The following OSTF1 variants were observed in gnomAD, a reference collection of about 807,000 sequenced individuals.
OSTF1 encodes the protein osteoclast stimulating factor 1, also known as osteoclast-stimulating factor 1.
Under a neutral mutation model 37.2 loss-of-function variants are expected in OSTF1, and 27 were observed. The observed-to-expected ratio is 0.73, with a 90% CI of 0.54 to 1.00. OSTF1 has a LOEUF of 1.00. Ranked by LOEUF, OSTF1 falls within the 50% of genes least tolerant of loss-of-function variation. OSTF1 has a pLI of 0.00. For missense variants in OSTF1, 232 were observed against 253.8 expected, an observed-to-expected ratio of 0.91 and a Z score of 0.58; for synonymous variants, 82 against 89.2, an observed-to-expected ratio of 0.92 and a Z score of 0.46.
intron 1 of OSTF1, among the ~76,000 whole-genome samples, chr9:75,100,681 A>G (rs895406094): frequency 2.0e-5 from 3 of 151,298 alleles, no homozygotes; most frequent in African/African-American, 4.9e-5. Context: ...CAGTGAGCTG[A>G]TATCAGGCCA....
chr9:75,142,562 C>T (rs1825959967), intron 9 of OSTF1, among the ~76,000 whole-genome samples: 1 of 152,040 alleles, frequency 6.6e-6, no homozygotes, highest in East Asian at 1.9e-4. Context: ...TACCCAGAAG[C>T]CTTACTCAGG....
intron 9 of OSTF1, among the ~76,000 whole-genome samples, chr9:75,145,277 G>C (rs1328761996): frequency 6.6e-6 from 1 of 151,900 alleles, no homozygotes; most frequent in Non-Finnish European, 1.5e-5. Flanking sequence ...TAGCTAGCTA[G>C]CCAGAGGTTT....
chr9:75,099,306 C>T (rs1825148387), intron 1 of OSTF1, among the ~76,000 whole-genome samples: 1 of 151,688 alleles, frequency 6.6e-6, no homozygotes, highest in East Asian at 1.9e-4. Context: ...TTCTGTCGCC[C>T]AGGCTGGAGT....
intron 2 of OSTF1, among the ~76,000 whole-genome samples, chr9:75,119,412 A>G (rs1344532637): frequency 6.6e-6 from 1 of 152,076 alleles, no homozygotes; most frequent in African/African-American, 2.4e-5. Flanking sequence ...TCCACTGACA[A>G]CTCTCCTGTG....
At chr9:75,125,115 C>T (rs931435052) in intron 2 of OSTF1, among the ~76,000 whole-genome samples, 3 of 152,174 alleles carry the variant, frequency 2.0e-5, no homozygotes, top group Admixed American at 6.5e-5. Flanking sequence ...TCTTCTTCTT[C>T]CTTCATTCTC....
rs748456883 is a variant in OSTF1 at position 75,093,615 on chromosome 9, CA to C, written c.34+4890del. Among the ~76,000 whole-genome samples the C allele has an allele frequency of 2.0e-4, 30 of 152,204 alleles. 1 individual carries two copies. The highest frequency in any genetic ancestry group is 2.6e-4 in the Non-Finnish European group (18 of 68,008). On this transcript the variant is annotated intron_variant, in intron 1 of 9. Transcript: ENST00000346234. ...TTTGAAGAAGCAAATGTCAGTGTTT[CA>C]GGTTTTTTTGTTATTCAGAGTAAAA...
chr9:75,111,290 G>A (rs1320980264), intron 1 of OSTF1, among the ~76,000 whole-genome samples: 1 of 152,092 alleles, frequency 6.6e-6, no homozygotes, highest in Non-Finnish European at 1.5e-5. Flanking sequence ...ACTATGAACA[G>A]GGATTCATTT....
intron 1 of OSTF1, among the ~76,000 whole-genome samples, chr9:75,117,068 A>C (rs1825502616): frequency 6.6e-6 from 1 of 152,114 alleles, no homozygotes; most frequent in Non-Finnish European, 1.5e-5. Context: ...ATGTTTTTAA[A>C]ATTTATTTTA....
chr9:75,094,238 T>C (rs903490458), intron 1 of OSTF1, among the ~76,000 whole-genome samples: 3 of 152,232 alleles, frequency 2.0e-5, no homozygotes, highest in Admixed American at 1.3e-4. Context: ...CCTCTTTCAA[T>C]GGATCCGTAT....
intron 7 of OSTF1, 43 bp from the exon 8 acceptor site, chr9:75,137,495 C>T (rs371537001): frequency 3.6e-4 from 453 of 1,275,598 alleles, no homozygotes; most frequent in Non-Finnish European, 5.1e-4. Context: ...TTTCAATCCA[C>T]CCTCTATCTT....
Position 75,131,781 on chromosome 9 carries a change from G to C in OSTF1, c.208G>C (p.Ala70Pro). 1 of 1,613,354 alleles carries C rather than the reference G, an allele frequency of 6.2e-7. No homozygotes were observed. Among genetic ancestry groups the C allele is most frequent in the South Asian group, 1.1e-5 (1 of 91,072 alleles). ...TATTTTCAATCTAGTGGCTGAGCAGGCAGAATCCATTGACAATCCATTGCA... is the reference window on the plus strand; with the variant it reads ...TATTTTCAATCTAGTGGCTGAGCAGCCAGAATCCATTGACAATCCATTGCA... ...LIPSNYVAEQ[A>P]ESIDNPLHEA... Residue 70 changes from alanine (A) to proline (P), a missense_variant, in exon 5 of 10, where the codon GCA becomes CCA. Transcript: ENST00000346234.
intron 3 of OSTF1, among the ~76,000 whole-genome samples, 188 bp from the exon 4 acceptor site, chr9:75,130,390 C>A (rs117974311): frequency 6.6e-6 from 1 of 152,230 alleles, no homozygotes; most frequent in Non-Finnish European, 1.5e-5. Flanking sequence ...CAGGCAGATG[C>A]GTGTTTATTT....
chr9:75,133,000 CACACACACACA>C (rs373669269), intron 5 of OSTF1, among the ~76,000 whole-genome samples: 48,169 of 110,978 alleles, frequency 0.43, 8,035 homozygotes, highest in East Asian at 0.55. Context: ...CACACACACA[CACACACACACA>C]CCCCTATATA....
rs534452078 is a variant in OSTF1 at position 75,111,880 on chromosome 9, A to G, written c.35-5624A>G. ...TCCCTGTTCCCCAGGTTGGAGTACA[A>G]TGGTGTGATCTCGGCTCACTACCAC... On this transcript the variant is annotated intron_variant, in intron 1 of 9. Transcript: ENST00000346234. 9.1e-4 allele frequency among the ~76,000 whole-genome samples: 110 copies of G among 120,348 alleles called. 1 individual carries two copies. Among genetic ancestry groups the G allele is most frequent in the Middle Eastern group, 0.01 (1 of 96 alleles). The allele number at this position is 120,348 out of a possible 152,430, so 79.0% of individuals were successfully genotyped here. A position where few individuals can be genotyped will look rare whatever the true frequency, so the allele number is the denominator to read the frequency against.
At chr9:75,099,010 C>T (rs1825139517) in intron 1 of OSTF1, among the ~76,000 whole-genome samples, 1 of 152,110 alleles carries the variant, frequency 6.6e-6, no homozygotes, top group Non-Finnish European at 1.5e-5. Context: ...GATCTTGGCT[C>T]ACTGCAACCT....
chr9:75,090,931 T>C (rs537370768), intron 1 of OSTF1, among the ~76,000 whole-genome samples: 1 of 152,172 alleles, frequency 6.6e-6, no homozygotes, highest in Non-Finnish European at 1.5e-5. Context: ...AACAATCTTA[T>C]GAGATCAGTA....
At chr9:75,106,972 A>G (rs1274932685) in intron 1 of OSTF1, among the ~76,000 whole-genome samples, 4 of 146,912 alleles carry the variant, frequency 2.7e-5, no homozygotes, top group Non-Finnish European at 5.9e-5. Context: ...AAAGAAAAAG[A>G]AAAAGAAAAA....
chr9:75,126,415 A>G (rs541296378), intron 2 of OSTF1, among the ~76,000 whole-genome samples: 1 of 152,146 alleles, frequency 6.6e-6, no homozygotes, highest in African/African-American at 2.4e-5. Flanking sequence ...TTTGTGTCCT[A>G]CATTTTTCAT....
chr9:75,109,908 A>AT (rs200726973), intron 1 of OSTF1, among the ~76,000 whole-genome samples: 71 of 151,976 alleles, frequency 4.7e-4, no homozygotes, highest in African/African-American at 1.3e-3. Flanking sequence ...TTAATAGACT[A>AT]TTTTTTTTAG....
Sources: gnomAD v4.1 joint callset for allele counts (sites outside exome capture counted in the v4.1 genomes callset) on GRCh38, gnomAD v4.1.1 for gene constraint, MANE v1.5 for transcripts, NCBI Gene and HGNC (gene_info 2026-07-23, HGNC 2026-07-21) for gene names.